DYNC2H1: variants seen among roughly 807,000 people sequenced by gnomAD.
DYNC2H1 encodes the protein cytoplasmic dynein 2 heavy chain 1.
DYNC2H1 carries 410 observed loss-of-function variants against 570.0 expected under a neutral mutation model. The observed-to-expected ratio is 0.72, with a 90% CI of 0.66 to 0.78. The LOEUF (loss-of-function observed/expected upper bound fraction) is 0.78. DYNC2H1 is among the 30% of genes least tolerant of loss of function. DYNC2H1 has a pLI of 0.00. For missense variants in DYNC2H1, 4,865 were observed against 5,046.4 expected (o/e 0.96, Z 1.09); for synonymous variants, 1,688 against 1,677.6 (o/e 1.01, Z -0.15).
chr11:103,420,466 G>A (rs920418967), intron 84 of DYNC2H1, among the ~76,000 whole-genome samples: 3 of 152,038 alleles, frequency 2.0e-5, no homozygotes, highest in Non-Finnish European at 4.4e-5. Context: ...AAGTATTAAG[G>A]GCAGTCACAG....
Position 103,369,652 on chromosome 11 carries a change from A to C in DYNC2H1, c.12156+11293A>C, listed in dbSNP as rs1007084102. Among the ~76,000 whole-genome samples the C allele has an allele frequency of 1.3e-5, 2 of 152,284 alleles. No homozygotes were observed. Among genetic ancestry groups the C allele is most frequent in the Non-Finnish European group, 2.9e-5 (2 of 68,022 alleles). On this transcript the variant is annotated intron_variant, in intron 83 of 88. Coordinates refer to ENST00000375735, the MANE Select transcript of DYNC2H1 (RefSeq NM_001377.3). This position sits in a 1 kb window ranked among gnomAD's most constrained non-coding sequence, Gnocchi z 4.0. ...CCACAACAGGATAGGGAACCAGTCA[A>C]AGTTGTGAGCCCTTTTTCTAGGCCC...
At chr11:103,382,001 G>C (rs1941668750) in intron 83 of DYNC2H1, among the ~76,000 whole-genome samples, 1 of 152,066 alleles carries the variant, frequency 6.6e-6, no homozygotes, top group Non-Finnish European at 1.5e-5. Context: ...GCAAAATACT[G>C]AAAAGTATAA....
rs745634057 is a variant in DYNC2H1, at chr11:103,117,755, C to T, written c.891C>T (p.Val297=). ...CAATTTGTGAACAGTGGGTGATAGTCTGTAATCATCTAACAGGTCAGGTGT... is the reference window on the plus strand; with the variant it reads ...CAATTTGTGAACAGTGGGTGATAGTTTGTAATCATCTAACAGGTCAGGTGT... The part of the protein sequence containing the change: ...GISICEQWVI[V]CNHLTGQVWQ... The change falls in exon 6 of 89, where the codon GTC becomes GTT. Residue 297 remains valine, a synonymous_variant. Transcript: ENST00000375735. The T allele has an allele frequency of 1.2e-6, 2 of 1,613,470 alleles. No homozygotes were observed. The highest frequency in any genetic ancestry group is 2.2e-5 in the East Asian group (1 of 44,846).
chr11:103,457,090 G>A (rs576165137), intron 87 of DYNC2H1, among the ~76,000 whole-genome samples: 45 of 152,158 alleles, frequency 3.0e-4, no homozygotes, highest in Non-Finnish European at 6.3e-4. Context: ...GCCCGGTGAC[G>A]TCTTTTGTTC....
intron 83 of DYNC2H1, among the ~76,000 whole-genome samples, chr11:103,368,370 C>A (rs1941005976): frequency 2.0e-5 from 3 of 151,822 alleles, no homozygotes; most frequent in Admixed American, 2.0e-4. Flanking sequence ...TTTTTTCATA[C>A]ATCTGTTGGT....
chr11:103,335,662 A>G (rs1939081656), intron 82 of DYNC2H1, among the ~76,000 whole-genome samples: 1 of 152,102 alleles, frequency 6.6e-6, no homozygotes, highest in South Asian at 2.1e-4. Flanking sequence ...AGATAGCTTC[A>G]CTTAAATCTC....
Position 103,135,603 on chromosome 11 carries a change from T to A in DYNC2H1, c.2314T>A (p.Leu772Met). 6.2e-7 allele frequency: 1 copy of A among 1,613,248 alleles called. No homozygotes were observed. Among genetic ancestry groups the A allele is most frequent in the Non-Finnish European group, 8.5e-7 (1 of 1,179,570 alleles). Reference protein sequence around the residue: ...QMGLEALNENLPEINIDLTYK... With the variant: ...QMGLEALNENMPEINIDLTYK... ...GGGCTTAGAAGCACTTAATGAGAAT[T>A]TGCCAGAAATAAATATAGACTTAAC... is the stretch of plus-strand genomic sequence containing the variant. Residue 772 changes from leucine (L) to methionine (M), a missense_variant, in exon 16 of 89, where the codon TTG becomes ATG. By Grantham distance (15) the Leu-to-Met change is conservative. Around this residue, in one of 5 missense-constraint regions of DYNC2H1, gnomAD observed 1,936 missense variants for 1,962.1 expected, o/e 0.99. Coordinates refer to ENST00000375735, the MANE Select transcript of DYNC2H1 (RefSeq NM_001377.3).
At chr11:103,171,126 T>C in intron 34 of DYNC2H1, 58 bp downstream of exon 34, 2 of 1,354,546 alleles carry the variant, frequency 1.5e-6, no homozygotes, top group South Asian at 1.9e-5. Context: ...TTGATATTAC[T>C]CATACTTAAG....
chr11:103,360,351 T>C (rs1389065527), intron 83 of DYNC2H1, among the ~76,000 whole-genome samples: 1 of 152,144 alleles, frequency 6.6e-6, no homozygotes, highest in East Asian at 1.9e-4. Flanking sequence ...AACTTTCTAA[T>C]TGTATAGCTT....
At chr11:103,117,265 T>A (rs1858454303) in intron 5 of DYNC2H1, among the ~76,000 whole-genome samples, 1 of 147,284 alleles carries the variant, frequency 6.8e-6, no homozygotes, top group South Asian at 2.1e-4. Flanking sequence ...ATTTTATATA[T>A]ATATATTTTT....
intron 10 of DYNC2H1, 50 bp downstream of exon 10, chr11:103,121,546 A>G: frequency 6.3e-7 from 1 of 1,582,328 alleles, no homozygotes; most frequent in Non-Finnish European, 8.6e-7. Context: ...AATCTGCTAA[A>G]TTAAGGCATG....
chr11:103,221,580 A>G (rs1863588193), intron 57 of DYNC2H1, among the ~76,000 whole-genome samples: 1 of 152,150 alleles, frequency 6.6e-6, no homozygotes. Flanking sequence ...TGTCTACGAA[A>G]AGTCGATAAT....
chr11:103,347,846 G>C (rs1692939523), intron 82 of DYNC2H1, among the ~76,000 whole-genome samples: 2 of 152,022 alleles, frequency 1.3e-5, no homozygotes, highest in Admixed American at 6.6e-5. Context: ...CCCCCTCACA[G>C]TTAGAGAACA....
chr11:103,185,113 C>A lies in DYNC2H1; in HGVS notation c.6633+62C>A. The A allele has an allele frequency of 1.4e-6, 2 of 1,449,848 alleles. No individual in the cohort carries two copies. The highest frequency in any genetic ancestry group is 1.4e-5 in the South Asian group (1 of 72,174). 89.8% of individuals were successfully genotyped at this position (1,449,848 alleles called of 1,614,324 possible). On this transcript the variant is annotated intron_variant, in intron 41 of 88. Transcript: ENST00000375735. The surrounding 1 kb of genome is among the most constrained non-coding windows in gnomAD (Gnocchi z 4.5). Reference sequence around the variant, plus strand: ...TTAACTTTTCATTAACTCTTAACTGCCAAAACACAATGATTTGTAACTGTA... The same window carrying A: ...TTAACTTTTCATTAACTCTTAACTGACAAAACACAATGATTTGTAACTGTA...
rs1208201981 is a variant in DYNC2H1 at position 103,307,745 on chromosome 11, G to C, written c.11407G>C (p.Asp3803His). 2 of 1,601,044 alleles carry C rather than the reference G, an allele frequency of 1.2e-6. No individual in the cohort carries two copies. The highest frequency in any genetic ancestry group is 1.7e-6 in the Non-Finnish European group (2 of 1,173,034). The change falls in exon 78 of 89, where the codon GAT becomes CAT. Residue 3803 changes from aspartate to histidine, a missense_variant. Physicochemically the swap from Asp to His is moderately conservative, Grantham distance 81. Coordinates refer to ENST00000375735, the MANE Select transcript of DYNC2H1 (RefSeq NM_001377.3). Reference protein sequence around the residue: ...EKELNTLQPKDTFRLWLTAEV... With the variant: ...EKELNTLQPKHTFRLWLTAEV... ...GGAATTGAATACTCTTCAACCTAAAGATACCTTTCGTCTTTGGCTCACTGC... is the reference window on the plus strand; with the variant it reads ...GGAATTGAATACTCTTCAACCTAAACATACCTTTCGTCTTTGGCTCACTGC...
rs779012837 is a variant in DYNC2H1, at chr11:103,120,744, A to G, written c.1190A>G (p.Gln397Arg). 2.5e-6 allele frequency: 4 copies of G among 1,602,850 alleles called. No homozygotes were observed. In the African/African-American group the frequency reaches 5.4e-5, roughly 21 times the overall value. Residue 397 changes from glutamine (Q) to arginine (R), a missense_variant, in exon 8 of 89, where the codon CAA becomes CGA. This residue lies in a region of DYNC2H1 where 1,936 missense variants were observed against 1,962.1 expected (regional missense o/e 0.99). Transcript: ENST00000375735. ...QYEKIIAPAE[Q>R]KIAGKLKNYI... ...GAAAAGATTATTGCACCTGCGGAAC[A>G]AAAAATAGCAGGAAAATTGAAAAAT...
chr11:103,301,014 A>G (rs1227938340), intron 75 of DYNC2H1, among the ~76,000 whole-genome samples: 1 of 151,914 alleles, frequency 6.6e-6, no homozygotes, highest in Non-Finnish European at 1.5e-5. Flanking sequence ...AAAATGAGAA[A>G]CACCTGGTAT....
At position 103,293,384 on chromosome 11, in the gene DYNC2H1, T is replaced by C. The variant is rs186192651; in HGVS notation, c.11095+5779T>C. Among the ~76,000 whole-genome samples, 247 of 152,294 alleles carry C rather than the reference T, an allele frequency of 1.6e-3. 1 individual carries two copies. The highest frequency in any genetic ancestry group is 5.7e-3 in the African/African-American group (235 of 41,584). ...TTGGCCTTTAAGAGTGATTATTATA[T>C]GCCATGAAGAAGTCTTATTTAGATA... On this transcript the variant is annotated intron_variant, in intron 75 of 88. Coordinates refer to ENST00000375735, the MANE Select transcript of DYNC2H1 (RefSeq NM_001377.3).
intron 83 of DYNC2H1, among the ~76,000 whole-genome samples, chr11:103,388,138 T>C: frequency 6.6e-6 from 1 of 152,234 alleles, no homozygotes; most frequent in Non-Finnish European, 1.5e-5. Context: ...CCCATGAGCA[T>C]GGAATGTTCT....
Sources: gnomAD v4.1 joint callset for allele counts (sites outside exome capture counted in the v4.1 genomes callset) on GRCh38, gnomAD v4.1.1 for gene constraint, gnomAD v4.1.1 regional missense constraint, Gnocchi (gnomAD v3.1) non-coding constraint, MANE v1.5 for transcripts, NCBI Gene and HGNC (gene_info 2026-07-23, HGNC 2026-07-21) for gene names.